The following SLC26A2 variants were observed in gnomAD, a reference collection of about 807,000 sequenced individuals.
SLC26A2 encodes the protein sulfate transporter.
Under a neutral mutation model 41.1 loss-of-function variants are expected in SLC26A2, and 36 were observed. That is an observed-to-expected ratio of 0.88 (90% CI 0.67 to 1.16). The LOEUF (loss-of-function observed/expected upper bound fraction) is 1.16, where lower values mean the gene tolerates loss of function less well. SLC26A2 is among the 50% of genes most tolerant of loss of function. The pLI is 0.00. For synonymous variants in SLC26A2, 291 were observed against 311.6 expected (o/e 0.93, Z 0.70); for missense variants, 796 against 869.6 (o/e 0.92, Z 1.07).
At chr5:149,972,682 A>G (rs1204801392) in intron 1 of SLC26A2, among the ~76,000 whole-genome samples, 1 of 152,210 alleles carries the variant, frequency 6.6e-6, no homozygotes, top group African/African-American at 2.4e-5. Flanking sequence ...CTTTATATTT[A>G]AAGTGGGTTT....
At chr5:149,961,187 G>C (rs781495891) in intron 1 of SLC26A2, among the ~76,000 whole-genome samples, 17 of 152,232 alleles carry the variant, frequency 1.1e-4, no homozygotes, top group Non-Finnish European at 2.2e-4. Context: ...GGTGATCCGG[G>C]CCTGCCCGTC....
rs1195830271 is a variant in SLC26A2, at chr5:149,987,299, A to C, written c.*5486A>C. ...TAATAGCAGATACTTTTCTTCTAGAAGCTTATGTTTTATGCTGTTTATTAT... is the reference window on the plus strand; with the variant it reads ...TAATAGCAGATACTTTTCTTCTAGACGCTTATGTTTTATGCTGTTTATTAT... On this transcript the variant is annotated 3_prime_UTR_variant, in exon 3 of 3. Transcript: ENST00000286298. The C allele has an allele frequency of 6.6e-6, 1 of 152,178 alleles. No homozygotes were observed. Among genetic ancestry groups the C allele is most frequent in the Non-Finnish European group, 1.5e-5 (1 of 68,032 alleles). 9.4% of individuals were successfully genotyped at this position (152,178 alleles called of 1,614,324 possible). A position where few individuals can be genotyped will look rare whatever the true frequency, so the allele number is the denominator to read the frequency against.
Position 149,980,977 on chromosome 5 carries a change from C to G in SLC26A2, c.1384C>G (p.Leu462Val). The change falls in exon 3 of 3, where the codon CTG becomes GTG. Residue 462 changes from leucine (L) to valine (V), a missense_variant. Physicochemically the swap from Leu to Val is conservative, Grantham distance 32. Transcript: ENST00000286298. ...HTQLSGVVTA[L>V]VLLLVLLVIA... ...TCAGCTTTCTGGTGTGGTAACAGCC[C>G]TGGTTCTTTTGTTGGTCCTCCTAGT... 1 of 1,614,096 alleles carries G rather than the reference C, an allele frequency of 6.2e-7. No individual in the cohort carries two copies. Among genetic ancestry groups the G allele is most frequent in the Non-Finnish European group, 8.5e-7 (1 of 1,180,002 alleles).
chr5:149,984,484 A>AC lies in SLC26A2; in HGVS notation c.*2675dup, dbSNP rs1270857697. ...AGACCATCCTGGCTAACACTGTGAA[A>AC]CCCCGTCTCTACTAAAAATACAAAA... On this transcript the variant is annotated 3_prime_UTR_variant, in exon 3 of 3. Coordinates refer to ENST00000286298, the MANE Select transcript of SLC26A2 (RefSeq NM_000112.4). 6.6e-6 allele frequency: 1 copy of AC among 152,116 alleles called. No individual in the cohort carries two copies. The highest frequency in any genetic ancestry group is 1.9e-4 in the East Asian group (1 of 5,184). 9.4% of individuals were successfully genotyped at this position (152,116 alleles called of 1,614,324 possible). A position where few individuals can be genotyped will look rare whatever the true frequency, so the allele number is the denominator to read the frequency against.
Position 149,981,457 on chromosome 5 carries a change from A to C in SLC26A2, c.1864A>C (p.Lys622Gln). The change falls in exon 3 of 3, where the codon AAA (lysine) becomes CAA (glutamine). Residue 622 changes from lysine to glutamine, a missense_variant. Physicochemically the swap from Lys to Gln is moderately conservative, Grantham distance 53. Transcript: ENST00000286298. ...GAAGAAGGCAGCAAAGAGAAAGATC[A>C]AAGAAAAAGTAGTGACTCTTGGTGG... ...AWKKAAKRKI[K>Q]EKVVTLGGIQ... 6.2e-7 allele frequency: 1 copy of C among 1,614,200 alleles called. No individual in the cohort carries two copies. The highest frequency in any genetic ancestry group is 2.2e-5 in the East Asian group (1 of 44,880).
chr5:149,963,653 G>A (rs1042385294), intron 1 of SLC26A2, among the ~76,000 whole-genome samples: 6 of 150,822 alleles, frequency 4.0e-5, no homozygotes, highest in Admixed American at 2.6e-4. Flanking sequence ...GGCCTCAGGT[G>A]ATCCACCTGC....
At chr5:149,972,405 G>A (rs1025647620) in intron 1 of SLC26A2, among the ~76,000 whole-genome samples, 6 of 152,136 alleles carry the variant, frequency 3.9e-5, no homozygotes, top group Admixed American at 6.5e-5. Context: ...GGGAGAGTTG[G>A]GAACAACATT....
chr5:149,982,117 T>C lies in SLC26A2; in HGVS notation c.*304T>C, dbSNP rs1184535272. ...GCTCCAAAACTTAATTACTCTCCTG[T>C]TTTAGGGGTTATACATTTGGACTGT... is the stretch of plus-strand genomic sequence containing the variant. On this transcript the variant is annotated 3_prime_UTR_variant, in exon 3 of 3. Transcript: ENST00000286298. The C allele has an allele frequency of 3.2e-6, 1 of 310,510 alleles. No homozygotes were observed. Among genetic ancestry groups the C allele is most frequent in the Non-Finnish European group, 5.9e-6 (1 of 168,674 alleles). The allele number at this position is 310,510 out of a possible 1,614,324, so 19.2% of individuals were successfully genotyped here.
At position 149,983,311 on chromosome 5, in the gene SLC26A2, G is replaced by T. The variant is rs946087225; in HGVS notation, c.*1498G>T. On this transcript the variant is annotated 3_prime_UTR_variant, in exon 3 of 3. Transcript: ENST00000286298. ...TCTGTTGGTAGAGCTCTCCCATTTG[G>T]TGACATGGAAAATACCTTTCCATTA... is the stretch of plus-strand genomic sequence containing the variant. The T allele has an allele frequency of 6.6e-6, 1 of 152,002 alleles. No homozygotes were observed. Among genetic ancestry groups the T allele is most frequent in the Non-Finnish European group, 1.5e-5 (1 of 68,014 alleles). The allele number at this position is 152,002 out of a possible 1,614,324, so 9.4% of individuals were successfully genotyped here.
intron 1 of SLC26A2, among the ~76,000 whole-genome samples, chr5:149,970,519 A>C (rs190821563): frequency 1.2e-4 from 18 of 152,210 alleles, no homozygotes; most frequent in Admixed American, 1.0e-3. Context: ...ACTAAAAAAG[A>C]AAAATAAAAG....
intron 1 of SLC26A2, among the ~76,000 whole-genome samples, chr5:149,964,001 TG>T (rs1754760643): frequency 1.3e-5 from 2 of 152,152 alleles, no homozygotes; most frequent in African/African-American, 4.8e-5. Flanking sequence ...GACTGGTGAT[TG>T]GAACACTAGT....
intron 1 of SLC26A2, among the ~76,000 whole-genome samples, chr5:149,971,630 C>T (rs1754907427): frequency 6.6e-6 from 1 of 152,084 alleles, no homozygotes; most frequent in Non-Finnish European, 1.5e-5. Flanking sequence ...GAACTCCTGG[C>T]CTCAAGTAAG....
In SLC26A2 at chr5:149,977,611, T is replaced by C. The variant is rs1755014630; in HGVS notation, c.-25-17T>C. The C allele has an allele frequency of 1.4e-5, 17 of 1,222,130 alleles. No individual in the cohort carries two copies. Among genetic ancestry groups the C allele is most frequent in the Non-Finnish European group, 2.1e-5 (17 of 823,626 alleles). 75.7% of individuals were successfully genotyped at this position (1,222,130 alleles called of 1,614,324 possible). A position where few individuals can be genotyped will look rare whatever the true frequency, so the allele number is the denominator to read the frequency against. ...GAATTACTTTATTGATGAACACTGG[T>C]ATTTTCTCTGGTGTAGGAAGCTGAA... On this transcript the variant is annotated splice_polypyrimidine_tract_variant and intron_variant, in intron 1 of 2. Coordinates refer to ENST00000286298, the MANE Select transcript of SLC26A2 (RefSeq NM_000112.4).
chr5:149,981,469 G>A lies in SLC26A2; in HGVS notation c.1876G>A (p.Val626Met). The A allele has an allele frequency of 6.2e-7, 1 of 1,614,170 alleles. No homozygotes were observed. Among genetic ancestry groups the A allele is most frequent in the Non-Finnish European group, 8.5e-7 (1 of 1,180,012 alleles). The stretch of plus-strand genomic sequence containing the variant: ...AAAGAGAAAGATCAAAGAAAAAGTA[G>A]TGACTCTTGGTGGAATCCAGGATGA... ...AAKRKIKEKVVTLGGIQDEMS... is the reference protein window; with the variant it reads ...AAKRKIKEKVMTLGGIQDEMS... Residue 626 changes from valine to methionine, a missense_variant, in exon 3 of 3, where the codon GTG becomes ATG. Val to Met is a conservative substitution (Grantham distance 21, BLOSUM62 1). Transcript: ENST00000286298.
rs779722346 is a variant in SLC26A2 at position 149,977,666 on chromosome 5, G to A, written c.14G>A (p.Ser5Asn). 3 of 1,613,350 alleles carry A rather than the reference G, an allele frequency of 1.9e-6. No homozygotes were observed. Among genetic ancestry groups the A allele is most frequent in the South Asian group, 2.2e-5 (2 of 91,074 alleles). The change falls in exon 2 of 3, where the codon AGT becomes AAT. Residue 5 changes from serine (S) to asparagine (N), a missense_variant. Coordinates refer to ENST00000286298, the MANE Select transcript of SLC26A2 (RefSeq NM_000112.4). ...CTATCTCCAGAAATGTCTTCAGAAA[G>A]TAAAGAGCAACATAACGTTTCACCC... MSSE[S>N]KEQHNVSPRD... is the part of the protein sequence containing the mutation.
intron 1 of SLC26A2, among the ~76,000 whole-genome samples, chr5:149,964,139 T>C (rs1754763380): frequency 6.6e-6 from 1 of 152,180 alleles, no homozygotes; most frequent in African/African-American, 2.4e-5. Context: ...ATCCAAATGG[T>C]TGACCTCATC....
intron 1 of SLC26A2, among the ~76,000 whole-genome samples, chr5:149,969,304 G>A (rs1754860924): frequency 6.6e-6 from 1 of 152,072 alleles, no homozygotes; most frequent in South Asian, 2.1e-4. Context: ...CATATAAATG[G>A]AATTCAGCAG....
At position 149,986,982 on chromosome 5, in the gene SLC26A2, G is replaced by A. The variant is rs1488648677; in HGVS notation, c.*5169G>A. On this transcript the variant is annotated 3_prime_UTR_variant, in exon 3 of 3. Coordinates refer to ENST00000286298, the MANE Select transcript of SLC26A2 (RefSeq NM_000112.4). The stretch of plus-strand genomic sequence containing the variant: ...TATGAACATACCAATCTATGTAATA[G>A]GCTACCTTTTTTTGTCTTCTTTGGA... 2 of 152,122 alleles carry A rather than the reference G, an allele frequency of 1.3e-5. No individual in the cohort carries two copies. Among genetic ancestry groups the A allele is most frequent in the Non-Finnish European group, 2.9e-5 (2 of 68,018 alleles). The allele number at this position is 152,122 out of a possible 1,614,324, so 9.4% of individuals were successfully genotyped here.
At chr5:149,969,865 A>G (rs796734297) in intron 1 of SLC26A2, among the ~76,000 whole-genome samples, 85 of 152,284 alleles carry the variant, frequency 5.6e-4, no homozygotes, top group African/African-American at 1.9e-3. Flanking sequence ...GTTGGCCTGC[A>G]GTGTATTCTC....
Sources: gnomAD v4.1 joint callset for allele counts (sites outside exome capture counted in the v4.1 genomes callset) on GRCh38, gnomAD v4.1.1 for gene constraint, MANE v1.5 for transcripts, NCBI Gene and HGNC (gene_info 2026-07-23, HGNC 2026-07-21) for gene names.